AGMO: variants seen among roughly 807,000 people sequenced by gnomAD.
AGMO encodes the protein glyceryl-ether monooxygenase.
Under a neutral mutation model 60.2 loss-of-function variants are expected in AGMO, and 75 were observed. The observed-to-expected ratio is 1.25, with a 90% CI of 1.03 to 1.51. The LOEUF (loss-of-function observed/expected upper bound fraction) is 1.51. Among genes scored for constraint, AGMO ranks in the 40% most tolerant of loss-of-function variants. AGMO has a pLI of 0.00. For missense variants in AGMO, 763 were observed against 525.5 expected (o/e 1.45, Z -4.42); for synonymous variants, 261 against 177.1 (o/e 1.47, Z -3.76).
At chr7:15,157,963 A>G in the AGMO span, among the ~76,000 whole-genome samples, 1 of 152,178 alleles carries the variant, frequency 6.6e-6, no homozygotes, top group Non-Finnish European at 1.5e-5. Flanking sequence ...TGCCTTGAAT[A>G]TTCTGGTTGC....
intron 12 of AGMO, among the ~76,000 whole-genome samples, chr7:15,246,648 G>C (rs1164268294): frequency 6.6e-6 from 1 of 152,052 alleles, no homozygotes; most frequent in East Asian, 1.9e-4. Flanking sequence ...CTCCTGTACT[G>C]AAGACCCAAT....
intron 12 of AGMO, among the ~76,000 whole-genome samples, chr7:15,275,449 G>C (rs1395374841): frequency 2.0e-5 from 3 of 151,518 alleles, no homozygotes; most frequent in African/African-American, 7.3e-5. Context: ...ATTTGCTTAA[G>C]GGTCAACTTA....
At chr7:15,292,418 G>C (rs535765160) in intron 12 of AGMO, among the ~76,000 whole-genome samples, 1 of 152,148 alleles carries the variant, frequency 6.6e-6, no homozygotes, top group Non-Finnish European at 1.5e-5. Flanking sequence ...TGGGTGATAA[G>C]AGCAAGGAAA....
At chr7:15,145,300 T>C in the AGMO span, among the ~76,000 whole-genome samples, 5 of 152,178 alleles carry the variant, frequency 3.3e-5, no homozygotes, top group Non-Finnish European at 7.4e-5. Flanking sequence ...GCCTGCAAAA[T>C]GAAGAATGAT....
chr7:15,365,240 T>A (rs1040674971), intron 12 of AGMO, among the ~76,000 whole-genome samples: 2 of 151,882 alleles, frequency 1.3e-5, no homozygotes, highest in African/African-American at 4.8e-5. Context: ...CATGGTCTGA[T>A]TTCTTTATAA....
intron 12 of AGMO, among the ~76,000 whole-genome samples, chr7:15,245,755 G>C (rs1416059859): frequency 6.6e-6 from 1 of 151,818 alleles, no homozygotes; most frequent in Non-Finnish European, 1.5e-5. Flanking sequence ...TAATTCCTAA[G>C]TACAAGTCTA....
the AGMO span, among the ~76,000 whole-genome samples, chr7:15,171,449 T>C: frequency 3.3e-5 from 5 of 152,224 alleles, no homozygotes; most frequent in African/African-American, 1.2e-4. Flanking sequence ...CCCCTTTCCA[T>C]ACTATACTTT....
At chr7:15,520,751 A>G (rs907773668) in intron 3 of AGMO, among the ~76,000 whole-genome samples, 100 of 152,330 alleles carry the variant, frequency 6.6e-4, no homozygotes, top group African/African-American at 2.4e-3. Context: ...AAAGTATGAA[A>G]TATCTAAAAT....
chr7:15,198,257 C>CAGAG (rs1229360945), downstream of AGMO, among the ~76,000 whole-genome samples: 145 of 56,582 alleles, frequency 2.6e-3, 5 homozygotes, highest in Middle Eastern at 0.019. Context: ...GAGAGAGAGA[C>CAGAG]AGAGACAGAG....
At chr7:15,138,085 C>T in the AGMO span, among the ~76,000 whole-genome samples, 1 of 152,152 alleles carries the variant, frequency 6.6e-6, no homozygotes, top group African/African-American at 2.4e-5. Flanking sequence ...CTCTCATGTT[C>T]CTCCATTCAC....
chr7:15,379,803 C>A (rs1291097579), intron 10 of AGMO, among the ~76,000 whole-genome samples: 1 of 152,046 alleles, frequency 6.6e-6, no homozygotes, highest in Non-Finnish European at 1.5e-5. Flanking sequence ...CATCAAAAAG[C>A]TTATCCACCA....
chr7:15,211,996 C>G (rs1408255357), intron 12 of AGMO, among the ~76,000 whole-genome samples: 1 of 151,814 alleles, frequency 6.6e-6, no homozygotes, highest in African/African-American at 2.4e-5. Context: ...AAGGGCCAAA[C>G]TTGAAGGACA....
intron 12 of AGMO, among the ~76,000 whole-genome samples, chr7:15,266,130 G>C: frequency 6.6e-6 from 1 of 151,986 alleles, no homozygotes; most frequent in Non-Finnish European, 1.5e-5. Flanking sequence ...GGGATCAGGG[G>C]AGAAGGAATG....
chr7:15,351,734 T>C (rs1435821993), intron 12 of AGMO, among the ~76,000 whole-genome samples: 1 of 152,206 alleles, frequency 6.6e-6, no homozygotes, highest in Non-Finnish European at 1.5e-5. Context: ...AATAAATTTA[T>C]AGCAGCTTAT....
intron 2 of AGMO, among the ~76,000 whole-genome samples, chr7:15,551,115 C>A (rs1784946753): frequency 1.3e-5 from 2 of 152,156 alleles, no homozygotes; most frequent in African/African-American, 4.8e-5. Flanking sequence ...CAAAATTCAA[C>A]AATCCTTCAT....
At chr7:15,178,170 T>C in the AGMO span, among the ~76,000 whole-genome samples, 1 of 152,156 alleles carries the variant, frequency 6.6e-6, no homozygotes, top group Non-Finnish European at 1.5e-5. Context: ...CCATCTCCTC[T>C]TTTTATTCAA....
intron 12 of AGMO, among the ~76,000 whole-genome samples, chr7:15,211,990 G>T (rs925210298): frequency 7.9e-5 from 12 of 151,880 alleles, no homozygotes; most frequent in African/African-American, 2.9e-4. Context: ...AAAGGAAAGG[G>T]CCAAACTTGA....
chr7:15,252,089 T>C (rs941232957), intron 12 of AGMO, among the ~76,000 whole-genome samples: 2 of 152,240 alleles, frequency 1.3e-5, no homozygotes, highest in Non-Finnish European at 2.9e-5. Context: ...GCCAGAAGTT[T>C]AACTGAAGAT....
At chr7:15,394,498 C>T (rs1459868268) in intron 5 of AGMO, among the ~76,000 whole-genome samples, 1 of 152,138 alleles carries the variant, frequency 6.6e-6, no homozygotes, top group Non-Finnish European at 1.5e-5. Context: ...TCTCAATTTT[C>T]TCATCTTTAA....
Sources: gnomAD v4.1 joint callset for allele counts (sites outside exome capture counted in the v4.1 genomes callset) on GRCh38, gnomAD v4.1.1 for gene constraint, MANE v1.5 for transcripts, NCBI Gene and HGNC (gene_info 2026-07-23, HGNC 2026-07-21) for gene names.